Variants in BLK observed in about 807,000 individuals in gnomAD.
BLK encodes the protein BLK proto-oncogene, Src family tyrosine kinase, also known as tyrosine-protein kinase Blk.
A neutral mutation model predicts 61.8 loss-of-function variants in BLK; 64 were observed. The ratio of observed to expected loss-of-function variants is 1.03; its 90% CI spans 0.85 to 1.27. The LOEUF is 1.27. Among genes scored for constraint, BLK ranks in the 50% most tolerant of loss-of-function variants. The pLI is 0.00. For missense variants in BLK, 853 were observed against 660.5 expected (o/e 1.29, Z -3.19); for synonymous variants, 351 against 272.0 (o/e 1.29, Z -2.86).
At chr8:11,525,349 C>A (rs1799614489) in intron 1 of BLK, among the ~76,000 whole-genome samples, 1 of 152,158 alleles carries the variant, frequency 6.6e-6, no homozygotes, top group African/African-American at 2.4e-5. Flanking sequence ...ATTTCAGTCC[C>A]CAGAAGTCTC....
chr8:11,534,400 T>TC (rs907339839), intron 1 of BLK, among the ~76,000 whole-genome samples: 31 of 151,498 alleles, frequency 2.0e-4, no homozygotes, highest in South Asian at 1.5e-3. Flanking sequence ...TACATGGTGT[T>TC]CCCCCCCCAA....
At chr8:11,499,076 A>C (rs754552838) in intron 1 of BLK, among the ~76,000 whole-genome samples, 77 of 152,390 alleles carry the variant, frequency 5.1e-4, no homozygotes, top group Non-Finnish European at 9.4e-4. Context: ...AGACACAGTC[A>C]CAGGGCACAT....
chr8:11,528,096 G>T (rs974659385), intron 1 of BLK, among the ~76,000 whole-genome samples: 1 of 152,144 alleles, frequency 6.6e-6, no homozygotes, highest in Non-Finnish European at 1.5e-5. Context: ...GAGTTCAATG[G>T]CGTGATCTCA....
chr8:11,555,421 C>T lies in BLK; in HGVS notation c.709C>T (p.Pro237Ser), dbSNP rs781177993. The change falls in exon 8 of 13, where the codon CCC becomes TCC. Residue 237 changes from proline (P) to serine (S), a missense_variant. Pro to Ser is a moderately conservative substitution (Grantham distance 74). Coordinates refer to ENST00000259089, the MANE Select transcript of BLK (RefSeq NM_001715.3). ...CTGGGCCCAGGATGAATGGGAGATC[C>T]CCCGGCAGTCTCTCAGGCTGGTCAG... ...NPWAQDEWEI[P>S]RQSLRLVRKL... 1.1e-5 allele frequency: 18 copies of T among 1,614,180 alleles called. No individual in the cohort carries two copies. Among genetic ancestry groups the T allele is most frequent in the Middle Eastern group, 1.6e-4 (1 of 6,062 alleles).
chr8:11,562,893 G>C, intron 11 of BLK, 86 bp from the exon 12 acceptor site: 2 of 1,587,486 alleles, frequency 1.3e-6, no homozygotes, highest in Non-Finnish European at 1.7e-6. Context: ...TTGATGGAAG[G>C]ACAGCAGGAG....
At chr8:11,529,415 C>G (rs1405165068) in intron 1 of BLK, among the ~76,000 whole-genome samples, 4 of 152,006 alleles carry the variant, frequency 2.6e-5, no homozygotes, top group African/African-American at 9.7e-5. Flanking sequence ...AAGCTGTCTT[C>G]CTGCGCTGAG....
intron 1 of BLK, among the ~76,000 whole-genome samples, chr8:11,513,453 C>A (rs2117296462): frequency 6.6e-6 from 1 of 152,280 alleles, no homozygotes; most frequent in Middle Eastern, 3.4e-3. Context: ...CAGGGCTGGA[C>A]CATCTCCAGG....
At chr8:11,555,642 G>A (rs1801176312) in intron 8 of BLK, 158 bp downstream of exon 8, 3 of 1,219,892 alleles carry the variant, frequency 2.5e-6, no homozygotes, top group Non-Finnish European at 2.3e-6. Flanking sequence ...AGAGGAGGAA[G>A]TGGAGGTGCA....
At chr8:11,494,934 C>T (rs1421732835) in intron 1 of BLK, among the ~76,000 whole-genome samples, 2 of 152,370 alleles carry the variant, frequency 1.3e-5, no homozygotes, top group East Asian at 3.9e-4. Flanking sequence ...CGGCGAGTCA[C>T]TCGGCCTCTT....
At chr8:11,530,129 T>G (rs1799827455) in intron 1 of BLK, among the ~76,000 whole-genome samples, 1 of 152,234 alleles carries the variant, frequency 6.6e-6, no homozygotes, top group African/African-American at 2.4e-5. Context: ...GCAAGAATAA[T>G]TATTGGCCAT....
At chr8:11,510,653 T>C (rs1260552436) in intron 1 of BLK, among the ~76,000 whole-genome samples, 1 of 152,066 alleles carries the variant, frequency 6.6e-6, no homozygotes, top group Non-Finnish European at 1.5e-5. Context: ...GAATCCGAGA[T>C]TGAAATGAAA....
intron 1 of BLK, among the ~76,000 whole-genome samples, chr8:11,497,477 C>T (rs1044280574): frequency 1.3e-5 from 2 of 152,306 alleles, no homozygotes; most frequent in South Asian, 2.1e-4. Context: ...CCAGCAACCA[C>T]CAGCACACAC....
rs549876610 is a variant in BLK, at chr8:11,494,473, G to A, written c.-120G>A. The A allele has an allele frequency of 6.6e-6, 1 of 152,362 alleles. No individual in the cohort carries two copies. The highest frequency in any genetic ancestry group is 1.9e-4 in the East Asian group (1 of 5,184). 9.4% of individuals were successfully genotyped at this position (152,362 alleles called of 1,614,324 possible). On this transcript the variant is annotated 5_prime_UTR_variant, in exon 1 of 13. Coordinates refer to ENST00000259089, the MANE Select transcript of BLK (RefSeq NM_001715.3). Reference sequence around the variant, plus strand: ...ATTGAGATGAGAAGAATTCATCTGGGACTGGCTTTTGCTTTAGGATGGTGT... The same window carrying A: ...ATTGAGATGAGAAGAATTCATCTGGAACTGGCTTTTGCTTTAGGATGGTGT...
At chr8:11,555,273 C>T in intron 7 of BLK, 59 bp from the exon 8 acceptor site, 1 of 1,610,692 alleles carries the variant, frequency 6.2e-7, no homozygotes, top group Non-Finnish European at 8.5e-7. Context: ...ATACAGCTCC[C>T]AAGGTAGAGC....
In BLK at chr8:11,550,224, C is replaced by G. The variant is rs1800840426; in HGVS notation, c.434C>G (p.Ala145Gly). Residue 145 changes from alanine (A) to glycine (G), a missense_variant, in exon 6 of 13, where the codon GCC (alanine) becomes GGC (glycine). Physicochemically the swap from Ala to Gly is moderately conservative, Grantham distance 60. Coordinates refer to ENST00000259089, the MANE Select transcript of BLK (RefSeq NM_001715.3). ...CAGCTTCTTGCTCCAATCAACAAGGCCGGCTCCTTTCTTATCAGAGAGAGT... is the reference window on the plus strand; with the variant it reads ...CAGCTTCTTGCTCCAATCAACAAGGGCGGCTCCTTTCTTATCAGAGAGAGT... ...ERQLLAPINK[A>G]GSFLIRESET... The G allele has an allele frequency of 1.2e-6, 2 of 1,613,964 alleles. No homozygotes were observed. Among genetic ancestry groups the G allele is most frequent in the African/African-American group, 2.7e-5 (2 of 74,922 alleles).
intron 1 of BLK, among the ~76,000 whole-genome samples, chr8:11,496,418 T>G (rs563443533): frequency 6.6e-6 from 1 of 152,284 alleles, no homozygotes; most frequent in Non-Finnish European, 1.5e-5. Flanking sequence ...TTTAATCTTA[T>G]TTTTTGAAGA....
At chr8:11,511,214 C>T (rs1472222107) in intron 1 of BLK, among the ~76,000 whole-genome samples, 3 of 152,146 alleles carry the variant, frequency 2.0e-5, no homozygotes, top group East Asian at 3.8e-4. Context: ...TTCCTGAATA[C>T]AGCTCGGTCT....
chr8:11,558,117 C>T, intron 10 of BLK, 79 bp downstream of exon 10: 5 of 1,405,046 alleles, frequency 3.6e-6, no homozygotes, highest in Non-Finnish European at 5.0e-6. Flanking sequence ...CCTTACCACC[C>T]CATCCTCTCA....
At chr8:11,540,802 A>G (rs138603862) in intron 1 of BLK, among the ~76,000 whole-genome samples, 1 of 151,828 alleles carries the variant, frequency 6.6e-6, no homozygotes, top group Non-Finnish European at 1.5e-5. Flanking sequence ...ACTGAGTTCT[A>G]TTTAGCCTGT....
Sources: allele counts gnomAD v4.1 joint callset (sites outside exome capture counted in the v4.1 genomes callset), GRCh38; gene constraint gnomAD v4.1.1; transcripts MANE v1.5; gene names NCBI Gene and HGNC (gene_info 2026-07-23, HGNC 2026-07-21).